The following SPAG16 variants were observed in gnomAD, a reference collection of about 807,000 sequenced individuals.
SPAG16 encodes the protein sperm-associated antigen 16 protein.
Under a neutral mutation model 80.4 loss-of-function variants are expected in SPAG16, and 86 were observed. The ratio of observed to expected loss-of-function variants is 1.07; its 90% CI spans 0.90 to 1.28. SPAG16 has a LOEUF of 1.28. Ranked by LOEUF, SPAG16 falls within the 50% of genes most tolerant of loss-of-function variation. The probability of loss-of-function intolerance (pLI) is 0.00; values close to 1 mark genes in which losing one functional copy is unlikely to be tolerated. For synonymous variants in SPAG16, 294 were observed against 265.9 expected (o/e 1.11, Z -1.03); for missense variants, 870 against 765.3 (o/e 1.14, Z -1.61).
chr2:213,491,261 T>C (rs1322591750), intron 10 of SPAG16, among the ~76,000 whole-genome samples: 1 of 152,230 alleles, frequency 6.6e-6, no homozygotes, highest in Admixed American at 6.5e-5. Context: ...TCGTGACTTT[T>C]TCTTATATGT....
intron 11 of SPAG16, among the ~76,000 whole-genome samples, chr2:213,871,877 CACAGAGAG>C (rs1377263510): frequency 1.2e-4 from 6 of 51,074 alleles, no homozygotes; most frequent in African/African-American, 2.7e-4. Flanking sequence ...CACACACACA[CACAGAGAG>C]AGAGAGAGAG....
intron 10 of SPAG16, among the ~76,000 whole-genome samples, chr2:213,536,305 G>A (rs190020967): frequency 6.6e-6 from 1 of 152,174 alleles, no homozygotes; most frequent in Admixed American, 6.5e-5. Context: ...ACTTAAAATT[G>A]CTTAAAAATC....
chr2:214,176,595 C>A (rs1171147829), intron 15 of SPAG16, among the ~76,000 whole-genome samples: 1 of 151,246 alleles, frequency 6.6e-6, no homozygotes, highest in Non-Finnish European at 1.5e-5. Flanking sequence ...AAAAAGATTC[C>A]TTTCCTGTTC....
intron 10 of SPAG16, among the ~76,000 whole-genome samples, chr2:213,614,889 T>A (rs1216652006): frequency 1.3e-5 from 2 of 152,204 alleles, no homozygotes; most frequent in African/African-American, 4.8e-5. Context: ...TCCATAACAT[T>A]TTACCCAATG....
intron 15 of SPAG16, among the ~76,000 whole-genome samples, chr2:214,249,102 T>C (rs1193170873): frequency 6.6e-6 from 1 of 152,136 alleles, no homozygotes; most frequent in Non-Finnish European, 1.5e-5. Context: ...CAAAGAAATA[T>C]AAATTTATAC....
In SPAG16 at chr2:213,375,020, T is replaced by C. The variant is rs760063448; in HGVS notation, c.843T>C (p.Ser281=). 6.2e-7 allele frequency: 1 copy of C among 1,603,530 alleles called. No homozygotes were observed. Among genetic ancestry groups the C allele is most frequent in the East Asian group, 2.2e-5 (1 of 44,632 alleles). The change falls in exon 9 of 16, where the codon AGT becomes AGC. Residue 281 remains serine, a synonymous_variant. Transcript: ENST00000331683. ...TATATTATCTTGTAGTTGATCATAGTCGTGAAAAAGAAAATGCACCAGAAG... is the reference window on the plus strand; with the variant it reads ...TATATTATCTTGTAGTTGATCATAGCCGTGAAAAAGAAAATGCACCAGAAG... ...YHGPQIKVDH[S]REKENAPEGP...
chr2:213,326,684 A>T (rs150258026), intron 5 of SPAG16, among the ~76,000 whole-genome samples: 4 of 151,974 alleles, frequency 2.6e-5, no homozygotes, highest in Non-Finnish European at 5.9e-5. Flanking sequence ...CTTTGATTCA[A>T]TTTTTTCATG....
intron 13 of SPAG16, among the ~76,000 whole-genome samples, chr2:214,089,947 C>T (rs1429677784): frequency 6.6e-6 from 1 of 152,018 alleles, no homozygotes; most frequent in African/African-American, 2.4e-5. Context: ...TGAGTGTCTG[C>T]TCCCTGGGCA....
intron 10 of SPAG16, among the ~76,000 whole-genome samples, chr2:213,795,511 T>C (rs572115173): frequency 6.6e-6 from 1 of 152,322 alleles, no homozygotes; most frequent in South Asian, 2.1e-4. Flanking sequence ...AATCCTTTAA[T>C]TAGAAATTAC....
intron 15 of SPAG16, among the ~76,000 whole-genome samples, chr2:214,308,005 T>C (rs888958024): frequency 6.6e-6 from 1 of 152,174 alleles, no homozygotes; most frequent in Non-Finnish European, 1.5e-5. Context: ...TCTCCCACTA[T>C]TACTGTATGG....
intron 3 of SPAG16, among the ~76,000 whole-genome samples, chr2:213,305,320 T>C (rs1474343491): frequency 6.6e-6 from 1 of 152,172 alleles, no homozygotes; most frequent in Non-Finnish European, 1.5e-5. Flanking sequence ...ATTTGACTTC[T>C]TCCTTTCTGA....
chr2:214,344,686 G>C (rs376441125), intron 15 of SPAG16, among the ~76,000 whole-genome samples: 1 of 152,038 alleles, frequency 6.6e-6, no homozygotes, highest in Admixed American at 6.6e-5. Flanking sequence ...AATTCTATAA[G>C]GTATGTTATT....
intron 15 of SPAG16, among the ~76,000 whole-genome samples, chr2:214,282,999 T>A (rs950077378): frequency 1.3e-5 from 2 of 152,060 alleles, no homozygotes; most frequent in Admixed American, 1.3e-4. Flanking sequence ...TCCACCTAAC[T>A]CTGATACTGA....
intron 10 of SPAG16, among the ~76,000 whole-genome samples, chr2:213,674,836 G>A (rs1263095190): frequency 7.0e-4 from 102 of 145,630 alleles, no homozygotes; most frequent in Middle Eastern, 6.8e-3. Flanking sequence ...ATAGTGCCGC[G>A]ATAAACATAC....
intron 15 of SPAG16, among the ~76,000 whole-genome samples, chr2:214,383,637 A>G (rs1700586997): frequency 6.6e-6 from 1 of 152,022 alleles, no homozygotes; most frequent in Admixed American, 6.6e-5. Context: ...GTATTTAATG[A>G]GGATAACAAG....
Position 214,394,437 on chromosome 2 carries a change from G to T in SPAG16, c.1721-15703G>T, listed in dbSNP as rs1033054951. The stretch of plus-strand genomic sequence containing the variant: ...TTTTGCTGATTCTGATTATGTAATT[G>T]AGTAAAAAAACTTTAAAAATACATT... On this transcript the variant is annotated intron_variant, in intron 15 of 15. Coordinates refer to ENST00000331683, the MANE Select transcript of SPAG16 (RefSeq NM_024532.5). Among the ~76,000 whole-genome samples, 4 of 151,324 alleles carry T rather than the reference G, an allele frequency of 2.6e-5. No homozygotes were observed. The South Asian group carries it at 8.3e-4, about 31-fold the overall frequency.
intron 11 of SPAG16, among the ~76,000 whole-genome samples, chr2:213,891,098 C>T (rs1008983759): frequency 6.6e-6 from 1 of 151,980 alleles, no homozygotes; most frequent in African/African-American, 2.4e-5. Context: ...TATTAAACAT[C>T]ATTTTATAAA....
At chr2:213,381,554 T>C (rs980091906) in intron 9 of SPAG16, among the ~76,000 whole-genome samples, 21 of 152,286 alleles carry the variant, frequency 1.4e-4, no homozygotes, top group African/African-American at 5.1e-4. Context: ...GTAGTCTTCA[T>C]CTTTAACACA....
chr2:214,055,280 T>C (rs1318525195), intron 13 of SPAG16, among the ~76,000 whole-genome samples: 2 of 152,156 alleles, frequency 1.3e-5, no homozygotes, highest in African/African-American at 2.4e-5. Flanking sequence ...AATTTGAGTA[T>C]GTAACTTTAA....
Sources: allele counts gnomAD v4.1 joint callset (sites outside exome capture counted in the v4.1 genomes callset), GRCh38; gene constraint gnomAD v4.1.1; transcripts MANE v1.5; gene names NCBI Gene and HGNC (gene_info 2026-07-23, HGNC 2026-07-21).